The following PLEKHA5 variants were observed in gnomAD, a reference collection of about 807,000 sequenced individuals.
PLEKHA5 encodes the protein pleckstrin homology domain containing A5.
A neutral mutation model predicts 181.9 loss-of-function variants in PLEKHA5; 55 were observed. The ratio of observed to expected loss-of-function variants is 0.30; its 90% CI spans 0.24 to 0.38. The LOEUF (loss-of-function observed/expected upper bound fraction) is 0.38. Among genes scored for constraint, PLEKHA5 ranks in the 10% least tolerant of loss-of-function variants. PLEKHA5 has a pLI of 1.00. For missense variants in PLEKHA5, 1,432 were observed against 1,549.5 expected, an observed-to-expected ratio of 0.92 and a Z score of 1.27; for synonymous variants, 535 against 529.4, an observed-to-expected ratio of 1.01 and a Z score of -0.15.
chr12:19,166,242 C>T (rs1565889570), intron 3 of PLEKHA5, among the ~76,000 whole-genome samples: 1 of 152,074 alleles, frequency 6.6e-6, no homozygotes, highest in African/African-American at 2.4e-5. Context: ...GAAGAAAGTT[C>T]AACTTAAACT....
intron 20 of PLEKHA5, among the ~76,000 whole-genome samples, chr12:19,322,924 C>T (rs2091223441): frequency 6.6e-6 from 1 of 151,750 alleles, no homozygotes; most frequent in Admixed American, 6.6e-5. Flanking sequence ...TTGACTATAA[C>T]TCACTTGTAG....
At chr12:19,260,336 C>T (rs932231408) in intron 6 of PLEKHA5, among the ~76,000 whole-genome samples, 4 of 152,166 alleles carry the variant, frequency 2.6e-5, no homozygotes, top group Admixed American at 2.6e-4. Flanking sequence ...TTACATTATT[C>T]TCATCCTAGC....
At chr12:19,335,978 A>G (rs757083022) in intron 20 of PLEKHA5, among the ~76,000 whole-genome samples, 3 of 152,162 alleles carry the variant, frequency 2.0e-5, no homozygotes, top group Non-Finnish European at 2.9e-5. Flanking sequence ...TATTCAACAA[A>G]TGACAAGCTG....
intron 15 of PLEKHA5, among the ~76,000 whole-genome samples, chr12:19,298,395 C>T (rs901195419): frequency 6.8e-6 from 1 of 147,024 alleles, no homozygotes; most frequent in Non-Finnish European, 1.5e-5. Flanking sequence ...AGTAATCTGT[C>T]CTATTTTTTT....
At chr12:19,334,829 AATATATATAT>A (rs56763101) in intron 20 of PLEKHA5, among the ~76,000 whole-genome samples, 2 of 18,602 alleles carry the variant, frequency 1.1e-4, no homozygotes, top group African/African-American at 2.4e-4. Flanking sequence ...AAAAAAAAAA[AATATATATAT>A]ATATATATAT....
At position 19,353,941 on chromosome 12, in the gene PLEKHA5, C is replaced by A; in HGVS notation, c.3077C>A (p.Ser1026Tyr). The A allele has an allele frequency of 6.2e-7, 1 of 1,611,480 alleles. No individual in the cohort carries two copies. The highest frequency in any genetic ancestry group is 8.5e-7 in the Non-Finnish European group (1 of 1,177,744). Residue 1026 changes from serine (S) to tyrosine (Y), a missense_variant, in exon 26 of 32, where the codon TCT (serine) becomes TAT (tyrosine). Transcript: ENST00000429027. ...PPRAKSPTPE[S>Y]STIASYVTLR... The stretch of plus-strand genomic sequence containing the variant: ...AGAGCAAAATCACCAACACCCGAAT[C>A]TTCGACAATAGCTTCCTATGTAACC...
intron 3 of PLEKHA5, among the ~76,000 whole-genome samples, chr12:19,219,589 A>G (rs2058609594): frequency 6.6e-6 from 1 of 151,182 alleles, no homozygotes; most frequent in Admixed American, 6.6e-5. Context: ...TACATTGAAT[A>G]CTTATAGGTT....
rs567023661 is a variant in PLEKHA5 at position 19,317,090 on chromosome 12, G to T, written c.2118+2196G>T. 3.9e-5 allele frequency among the ~76,000 whole-genome samples: 6 copies of T among 152,220 alleles called. No homozygotes were observed. In the South Asian group the frequency reaches 1.2e-3, roughly 32 times the overall value. ...AAGACTTAAAACTGAATCCAGGCTT[G>T]TCGAGGTGGCTTATGCCTGTAATCC... On this transcript the variant is annotated intron_variant, in intron 16 of 31. Transcript: ENST00000429027.
At chr12:19,350,683 C>T (rs577839297) in intron 25 of PLEKHA5, among the ~76,000 whole-genome samples, 1 of 151,994 alleles carries the variant, frequency 6.6e-6, no homozygotes, top group African/African-American at 2.4e-5. Flanking sequence ...GCAGGAGAAT[C>T]ACTTGAACTG....
At chr12:19,292,151 A>G (rs1219472430) in intron 15 of PLEKHA5, among the ~76,000 whole-genome samples, 1 of 152,232 alleles carries the variant, frequency 6.6e-6, no homozygotes, top group African/African-American at 2.4e-5. Flanking sequence ...CATGCCTGTA[A>G]TCCCAGCACT....
At chr12:19,287,749 C>T (rs2077524360) in intron 13 of PLEKHA5, among the ~76,000 whole-genome samples, 193 bp downstream of exon 13, 1 of 152,162 alleles carries the variant, frequency 6.6e-6, no homozygotes. Context: ...GATACCTTTT[C>T]CTAAGTGTCT....
chr12:19,197,626 A>G (rs1166648549), intron 3 of PLEKHA5, among the ~76,000 whole-genome samples: 2 of 149,284 alleles, frequency 1.3e-5, no homozygotes, highest in Non-Finnish European at 3.0e-5. Context: ...CACCGAGCAT[A>G]GGACTAGGCA....
intron 3 of PLEKHA5, among the ~76,000 whole-genome samples, chr12:19,134,813 G>A (rs1167875355): frequency 6.6e-6 from 1 of 152,052 alleles, no homozygotes; most frequent in African/African-American, 2.4e-5. Flanking sequence ...AAAGACAGCA[G>A]GATGAGAAAC....
intron 11 of PLEKHA5, among the ~76,000 whole-genome samples, chr12:19,279,981 T>G (rs1465651240): frequency 6.6e-6 from 1 of 151,836 alleles, no homozygotes; most frequent in African/African-American, 2.4e-5. Flanking sequence ...GCCGGCAGTT[T>G]ATTAATTAGG....
intron 8 of PLEKHA5, among the ~76,000 whole-genome samples, chr12:19,266,167 G>A (rs907508847): frequency 1.3e-5 from 2 of 152,068 alleles, no homozygotes; most frequent in Admixed American, 6.6e-5. Context: ...CAACGTTACT[G>A]TATGTTTGAA....
intron 3 of PLEKHA5, among the ~76,000 whole-genome samples, chr12:19,213,734 A>G (rs1314920236): frequency 1.3e-5 from 2 of 152,194 alleles, no homozygotes; most frequent in African/African-American, 4.8e-5. Flanking sequence ...ATACAACGTA[A>G]GTTAAGGAGA....
rs761458734 is a variant in PLEKHA5 at position 19,132,469 on chromosome 12, A to AT, written c.227+26dup. The AT allele has an allele frequency of 9.0e-6, 12 of 1,339,274 alleles. No homozygotes were observed. Among genetic ancestry groups the AT allele is most frequent in the Non-Finnish European group, 1.3e-5 (12 of 941,410 alleles). 83.0% of individuals were successfully genotyped at this position (1,339,274 alleles called of 1,614,324 possible). ...ATATAAAGTGAGTTTTTTGACTTTC[A>AT]TTTTTTTCCTTCGTAATTAGAATGC... is the stretch of plus-strand genomic sequence containing the variant. On this transcript the variant is annotated intron_variant, in intron 3 of 31. Transcript: ENST00000429027.
intron 3 of PLEKHA5, chr12:19,207,687 AT>A (rs2055914718): frequency 6.6e-6 from 1 of 152,100 alleles, no homozygotes; most frequent in Non-Finnish European, 1.5e-5. Context: ...CTGGAACTTA[AT>A]TTTTTCTGGC....
intron 9 of PLEKHA5, 147 bp downstream of exon 9, chr12:19,270,032 C>G: frequency 1.6e-6 from 1 of 629,138 alleles, no homozygotes; most frequent in Non-Finnish European, 2.7e-6. Context: ...AATTCCTGTT[C>G]TGAATTAAAT....
Sources: gnomAD v4.1 joint callset for allele counts (sites outside exome capture counted in the v4.1 genomes callset) on GRCh38, gnomAD v4.1.1 for gene constraint, MANE v1.5 for transcripts, NCBI Gene and HGNC (gene_info 2026-07-23, HGNC 2026-07-21) for gene names.